Variants in SPTB observed in about 807,000 individuals in gnomAD.
SPTB encodes the protein spectrin beta, erythrocytic.
SPTB carries 45 observed loss-of-function variants against 256.2 expected under a neutral mutation model. That is an observed-to-expected ratio of 0.18 (90% CI 0.14 to 0.23). The LOEUF (loss-of-function observed/expected upper bound fraction) is 0.23, where lower values mean the gene tolerates loss of function less well. Ranked by LOEUF, SPTB falls within the 10% of genes least tolerant of loss-of-function variation. The pLI, the probability that SPTB is intolerant of heterozygous loss-of-function variation, is 1.00. For synonymous variants in SPTB, 1,231 were observed against 1,243.1 expected (o/e 0.99, Z 0.21); for missense variants, 2,715 against 3,040.4 (o/e 0.89, Z 2.52).
intron 15 of SPTB, among the ~76,000 whole-genome samples, chr14:64,791,163 G>A (rs1293228014): frequency 2.6e-5 from 4 of 152,014 alleles, no homozygotes; most frequent in Non-Finnish European, 1.5e-5. Flanking sequence ...CACAGCATTC[G>A]AGCCTCCCAG....
Position 64,796,646 on chromosome 14 carries a change from C to T in SPTB, c.1252G>A (p.Glu418Lys). The T allele has an allele frequency of 1.2e-6, 2 of 1,614,250 alleles. No individual in the cohort carries two copies. The highest frequency in any genetic ancestry group is 8.5e-7 in the Non-Finnish European group (1 of 1,180,044). ...CGCCGGGCCAGTTGCTCTAGCTTCTCCTGCCGAATGAGCTCATTTCTCAGG... is the reference window on the plus strand; with the variant it reads ...CGCCGGGCCAGTTGCTCTAGCTTCTTCTGCCGAATGAGCTCATTTCTCAGG... ...LALRNELIRQ[E>K]KLEQLARRFD... Residue 418 changes from glutamate (E) to lysine (K), a missense_variant, in exon 11 of 36, where the codon GAG becomes AAG. By Grantham distance (56) the Glu-to-Lys change is moderately conservative. Around this residue, in one of 4 missense-constraint regions of SPTB, gnomAD observed 416 missense variants for 571.1 expected, o/e 0.73. Coordinates refer to ENST00000644917, the MANE Select transcript of SPTB (RefSeq NM_001355436.2). This position sits in a 1 kb window ranked among gnomAD's most constrained non-coding sequence, Gnocchi z 4.1.
chr14:64,804,705 G>C (rs1293860405), intron 3 of SPTB, among the ~76,000 whole-genome samples: 2 of 152,216 alleles, frequency 1.3e-5, no homozygotes, highest in Non-Finnish European at 2.9e-5. Flanking sequence ...GCTCTGCATG[G>C]CTTCTGGGAG....
Position 64,867,859 on chromosome 14 carries a change from C to CA in SPTB, c.-52+11932dup, listed in dbSNP as rs35825614. Among the ~76,000 whole-genome samples, 746 of 123,946 alleles carry CA rather than the reference C, an allele frequency of 6.0e-3. 39 individuals are homozygous for CA. The highest frequency in any genetic ancestry group is 0.024 in the African/African-American group (626 of 25,672). The allele number at this position is 123,946 out of a possible 152,430, so 81.3% of individuals were successfully genotyped here. A position where few individuals can be genotyped will look rare whatever the true frequency, so the allele number is the denominator to read the frequency against. On this transcript the variant is annotated intron_variant, in intron 1 of 35. Coordinates refer to ENST00000644917, the MANE Select transcript of SPTB (RefSeq NM_001355436.2). ...CCTGGGCAACAGGGTGACTCTGTCTCAAAAAAAAAAAAAAAAAAAAAAAAA... is the reference window on the plus strand; with the variant it reads ...CCTGGGCAACAGGGTGACTCTGTCTCAAAAAAAAAAAAAAAAAAAAAAAAAA...
At chr14:64,766,145 G>A (rs1027551135) in intron 32 of SPTB, among the ~76,000 whole-genome samples, 3 of 150,768 alleles carry the variant, frequency 2.0e-5, no homozygotes, top group Non-Finnish European at 4.4e-5. Context: ...GCATGTGGGT[G>A]GGTGTGGTGT....
At chr14:64,861,285 CCTGCACGTT>C (rs1435382960) in intron 1 of SPTB, among the ~76,000 whole-genome samples, 1 of 152,088 alleles carries the variant, frequency 6.6e-6, no homozygotes, top group Non-Finnish European at 1.5e-5. Context: ...ATGTAACAAA[CCTGCACGTT>C]CTGTGCATGT....
rs2082652109 is a variant in SPTB at position 64,790,586 on chromosome 14, C to G, written c.2804+1133G>C. ...CCCATTCTAGTGGCTCTAAAGAATT[C>G]TGGTCATCGCTGCCTCCCCTTAGCC... is the stretch of plus-strand genomic sequence containing the variant. On this transcript the variant is annotated intron_variant, in intron 15 of 35. Transcript: ENST00000644917. The surrounding 1 kb of genome is among the most constrained non-coding windows in gnomAD (Gnocchi z 4.8). Among the ~76,000 whole-genome samples, 2 of 152,228 alleles carry G rather than the reference C, an allele frequency of 1.3e-5. No homozygotes were observed. Among genetic ancestry groups the G allele is most frequent in the Admixed American group, 1.3e-4 (2 of 15,288 alleles).
rs1275211690 is a variant in SPTB, at chr14:64,806,197, A to G, written c.149-1107T>C. Among the ~76,000 whole-genome samples, 1 of 152,234 alleles carries G rather than the reference A, an allele frequency of 6.6e-6. No homozygotes were observed. The highest frequency in any genetic ancestry group is 1.5e-5 in the Non-Finnish European group (1 of 68,050). On this transcript the variant is annotated intron_variant, in intron 2 of 35. Transcript: ENST00000644917. This position sits in a 1 kb window ranked among gnomAD's most constrained non-coding sequence, Gnocchi z 4.1. ...AAAAAAAGAAAAGTAGCAGAAAAGA[A>G]GAAAAACAAATAAGATAGAATTGAA...
At chr14:64,879,477 C>T (rs1336774842) in intron 1 of SPTB, among the ~76,000 whole-genome samples, 1 of 152,224 alleles carries the variant, frequency 6.6e-6, no homozygotes, top group Non-Finnish European at 1.5e-5. Context: ...ACACGCACCC[C>T]CGTCACCCTC....
chr14:64,826,528 T>G lies in SPTB; in HGVS notation c.-51-3383A>C, dbSNP rs1450078458. Among the ~76,000 whole-genome samples the G allele has an allele frequency of 6.6e-6, 1 of 152,184 alleles. No homozygotes were observed. Among genetic ancestry groups the G allele is most frequent in the Non-Finnish European group, 1.5e-5 (1 of 68,020 alleles). Reference sequence around the variant, plus strand: ...AGTCATCTGCACATCTAGAGTGGCCTTCCATGAGTCACGGAGGACCGCAAA... The same window carrying G: ...AGTCATCTGCACATCTAGAGTGGCCGTCCATGAGTCACGGAGGACCGCAAA... On this transcript the variant is annotated intron_variant, in intron 1 of 35. Transcript: ENST00000644917. The surrounding 1 kb of genome is among the most constrained non-coding windows in gnomAD (Gnocchi z 4.4).
chr14:64,856,333 TGA>T (rs1224368441), intron 1 of SPTB, among the ~76,000 whole-genome samples: 2 of 152,186 alleles, frequency 1.3e-5, no homozygotes, highest in Admixed American at 6.5e-5. Context: ...AGCTGCCACC[TGA>T]GAGGGAGGAT....
chr14:64,751,000 CATTATAT>C (rs577063420), intron 33 of SPTB, among the ~76,000 whole-genome samples: 1,529 of 143,276 alleles, frequency 0.011, 23 homozygotes, highest in African/African-American at 0.037. Context: ...ATATATAATA[CATTATAT>C]ATTATACATT....
Position 64,759,298 on chromosome 14 carries a change from C to T in SPTB, c.6346-5505G>A, listed in dbSNP as rs1358813262. Among the ~76,000 whole-genome samples, 4 of 152,226 alleles carry T rather than the reference C, an allele frequency of 2.6e-5. No homozygotes were observed. Among genetic ancestry groups the T allele is most frequent in the African/African-American group, 9.6e-5 (4 of 41,454 alleles). On this transcript the variant is annotated intron_variant, in intron 32 of 35. Transcript: ENST00000644917. The surrounding 1 kb of genome is among the most constrained non-coding windows in gnomAD (Gnocchi z 4.8). ...CAGGGACCCACCCATGACCCCCTGG[C>T]TGCGAACCTGCAGTGGGAGGCCTGT...
intron 9 of SPTB, among the ~76,000 whole-genome samples, chr14:64,799,021 G>A (rs1362084066): frequency 6.6e-6 from 1 of 152,244 alleles, no homozygotes; most frequent in Non-Finnish European, 1.5e-5. Context: ...GTGGTTGTAT[G>A]TGCATATATA....
chr14:64,822,053 T>C (rs2083296087), intron 2 of SPTB, among the ~76,000 whole-genome samples: 1 of 151,822 alleles, frequency 6.6e-6, no homozygotes, highest in South Asian at 2.1e-4. Context: ...TGTACTCTTC[T>C]TAGGAGGTGG....
rs1479108025 is a variant in SPTB, at chr14:64,823,954, C to G, written c.-51-809G>C. Among the ~76,000 whole-genome samples, 2 of 152,212 alleles carry G rather than the reference C, an allele frequency of 1.3e-5. No individual in the cohort carries two copies. Among genetic ancestry groups the G allele is most frequent in the Non-Finnish European group, 2.9e-5 (2 of 68,048 alleles). On this transcript the variant is annotated intron_variant, in intron 1 of 35. Coordinates refer to ENST00000644917, the MANE Select transcript of SPTB (RefSeq NM_001355436.2). The surrounding 1 kb of genome is among the most constrained non-coding windows in gnomAD (Gnocchi z 6.5). ...GAGTCCATGTGATGAACCAGCGCAT[C>G]AGGAGCACTGGGTCCTCCCTCACCC...
At chr14:64,850,739 C>T (rs1193056036) in intron 1 of SPTB, among the ~76,000 whole-genome samples, 5 of 152,204 alleles carry the variant, frequency 3.3e-5, no homozygotes, top group African/African-American at 1.2e-4. Flanking sequence ...GTGACTCCAG[C>T]CTTCCTTTCT....
intron 26 of SPTB, among the ~76,000 whole-genome samples, chr14:64,771,497 G>C (rs1208140021): frequency 6.6e-6 from 1 of 152,180 alleles, no homozygotes; most frequent in Non-Finnish European, 1.5e-5. Flanking sequence ...TACTATTGCT[G>C]TTTCTGAGAT....
intron 10 of SPTB, among the ~76,000 whole-genome samples, chr14:64,797,514 T>G (rs1347912023): frequency 8.6e-6 from 1 of 116,322 alleles, no homozygotes; most frequent in African/African-American, 3.3e-5. Flanking sequence ...GACTCAGGGA[T>G]GCAGGGCATC....
intron 15 of SPTB, among the ~76,000 whole-genome samples, chr14:64,788,189 C>G (rs1380836547): frequency 1.3e-5 from 2 of 152,184 alleles, no homozygotes; most frequent in African/African-American, 4.8e-5. Flanking sequence ...GACCTCCACA[C>G]AACCCATCAC....
Sources: allele counts gnomAD v4.1 joint callset (sites outside exome capture counted in the v4.1 genomes callset), GRCh38; gene constraint gnomAD v4.1.1; regional missense constraint gnomAD v4.1.1; non-coding constraint Gnocchi (gnomAD v3.1); transcripts MANE v1.5; gene names NCBI Gene and HGNC (gene_info 2026-07-23, HGNC 2026-07-21).